Variants in ADRA1B observed in about 807,000 individuals in gnomAD.
The protein encoded by ADRA1B is alpha-1B adrenergic receptor.
Under a neutral mutation model 17.9 loss-of-function variants are expected in ADRA1B, and 17 were observed. That is an observed-to-expected ratio of 0.95 (90% CI 0.65 to 1.42). The LOEUF (loss-of-function observed/expected upper bound fraction) is 1.42. Ranked by LOEUF, ADRA1B falls within the 40% of genes most tolerant of loss-of-function variation. ADRA1B has a pLI of 0.00. For missense variants in ADRA1B, 681 were observed against 722.1 expected, an observed-to-expected ratio of 0.94 and a Z score of 0.65; for synonymous variants, 366 against 327.6, an observed-to-expected ratio of 1.12 and a Z score of -1.27.
chr5:159,868,862 G>A (rs1282858377), intron 1 of ADRA1B: 1 of 152,168 alleles, frequency 6.6e-6, no homozygotes, highest in Non-Finnish European at 1.5e-5. Context: ...CAGAGGGCAG[G>A]AAACCCATCA....
At chr5:159,986,445 G>C in the ADRA1B span, among the ~76,000 whole-genome samples, 1 of 152,220 alleles carries the variant, frequency 6.6e-6, no homozygotes, top group Admixed American at 6.5e-5. Flanking sequence ...TGCACCCTCT[G>C]ACTTGTGAGA....
chr5:159,900,323 C>A (rs139028083), intron 1 of ADRA1B, among the ~76,000 whole-genome samples: 14 of 152,318 alleles, frequency 9.2e-5, no homozygotes, highest in Admixed American at 3.3e-4. Flanking sequence ...AATTGAGAAG[C>A]ATTGACATCC....
intron 1 of ADRA1B, among the ~76,000 whole-genome samples, chr5:159,896,417 A>G (rs1754041128): frequency 6.6e-6 from 1 of 152,200 alleles, no homozygotes; most frequent in East Asian, 1.9e-4. Flanking sequence ...GCTTGCTATA[A>G]TTCCCAGTTC....
intron 1 of ADRA1B, among the ~76,000 whole-genome samples, chr5:159,968,312 C>A (rs1755810572): frequency 6.6e-6 from 1 of 152,174 alleles, no homozygotes; most frequent in South Asian, 2.1e-4. Context: ...AGCACACACA[C>A]AAGATAAATG....
At chr5:159,934,870 C>T (rs1754911499) in intron 1 of ADRA1B, among the ~76,000 whole-genome samples, 1 of 151,646 alleles carries the variant, frequency 6.6e-6, no homozygotes, top group Non-Finnish European at 1.5e-5. Context: ...TCTGGCTCTG[C>T]TGCTCAGCTT....
intron 1 of ADRA1B, among the ~76,000 whole-genome samples, chr5:159,894,657 A>G (rs771131887): frequency 2.0e-5 from 3 of 152,200 alleles, no homozygotes; most frequent in Non-Finnish European, 2.9e-5. Context: ...TTGTAAACAA[A>G]TTAATTTTAG....
the ADRA1B span, among the ~76,000 whole-genome samples, chr5:159,982,608 C>A: frequency 4.0e-4 from 61 of 152,228 alleles, no homozygotes; most frequent in Non-Finnish European, 7.1e-4. Context: ...GTCATGCAGC[C>A]AACCAACCTT....
downstream of ADRA1B, among the ~76,000 whole-genome samples, chr5:159,973,175 C>T (rs1414583292): frequency 6.6e-6 from 1 of 152,218 alleles, no homozygotes; most frequent in African/African-American, 2.4e-5. Flanking sequence ...GTCTTGAGGA[C>T]AATTAGTGCT....
intron 1 of ADRA1B, among the ~76,000 whole-genome samples, chr5:159,970,462 C>T (rs1755847084): frequency 6.6e-6 from 1 of 152,158 alleles, no homozygotes; most frequent in African/African-American, 2.4e-5. Flanking sequence ...ATGCATCTAC[C>T]CCATTCTACT....
the ADRA1B span, among the ~76,000 whole-genome samples, chr5:159,980,282 G>A: frequency 4.6e-4 from 70 of 152,250 alleles, no homozygotes; most frequent in East Asian, 0.013. Context: ...TCATGTGACA[G>A]GCTGAACAGG....
chr5:159,923,794 C>T (rs1260564354), intron 1 of ADRA1B, among the ~76,000 whole-genome samples: 1 of 152,274 alleles, frequency 6.6e-6, no homozygotes, highest in South Asian at 2.1e-4. Flanking sequence ...GCATCAGATT[C>T]TCTCCTTGTA....
chr5:159,958,107 T>C (rs1390935481), intron 1 of ADRA1B, among the ~76,000 whole-genome samples: 1 of 152,144 alleles, frequency 6.6e-6, no homozygotes, highest in Non-Finnish European at 1.5e-5. Flanking sequence ...TCCTGGACTT[T>C]TAGCTGTGCT....
chr5:159,894,110 C>A (rs1403289798), intron 1 of ADRA1B, among the ~76,000 whole-genome samples: 2 of 152,352 alleles, frequency 1.3e-5, no homozygotes, highest in East Asian at 3.9e-4. Flanking sequence ...GTGTTAGAAA[C>A]CCCCTCCCTA....
intron 1 of ADRA1B, among the ~76,000 whole-genome samples, chr5:159,947,421 C>G (rs934133371): frequency 2.0e-5 from 3 of 152,090 alleles, no homozygotes; most frequent in Non-Finnish European, 2.9e-5. Flanking sequence ...TCATAAGTGG[C>G]AGAGCTGAGC....
At chr5:159,956,854 T>C (rs1755559046) in intron 1 of ADRA1B, among the ~76,000 whole-genome samples, 1 of 152,184 alleles carries the variant, frequency 6.6e-6, no homozygotes, top group Non-Finnish European at 1.5e-5. Flanking sequence ...CACAAAAATA[T>C]ACCTAAAATA....
chr5:159,939,323 G>A (rs1380691437), intron 1 of ADRA1B, among the ~76,000 whole-genome samples: 2 of 116,910 alleles, frequency 1.7e-5, no homozygotes, highest in Admixed American at 8.4e-5. Flanking sequence ...GTGTGTGTGT[G>A]CGCGCGCGCG....
chr5:159,944,097 G>A (rs1050500754), intron 1 of ADRA1B, among the ~76,000 whole-genome samples: 15 of 151,938 alleles, frequency 9.9e-5, no homozygotes, highest in African/African-American at 1.5e-4. Flanking sequence ...TCACCTTTAC[G>A]AACTCAGATT....
chr5:159,970,849 G>A (rs111890637), intron 1 of ADRA1B, among the ~76,000 whole-genome samples: 5,140 of 152,294 alleles, frequency 0.034, 308 homozygotes, highest in African/African-American at 0.12. Context: ...CTGACACCCA[G>A]GCTGGAGTGC....
chr5:159,910,056 A>T (rs1754213020), intron 1 of ADRA1B, among the ~76,000 whole-genome samples: 1 of 152,218 alleles, frequency 6.6e-6, no homozygotes, highest in South Asian at 2.1e-4. Flanking sequence ...TTATATATAC[A>T]TACATACATA....
Sources: allele counts gnomAD v4.1 joint callset (sites outside exome capture counted in the v4.1 genomes callset), GRCh38; gene constraint gnomAD v4.1.1; transcripts MANE v1.5; gene names NCBI Gene and HGNC (gene_info 2026-07-23, HGNC 2026-07-21).